Variants in CIITA observed in about 807,000 individuals in gnomAD.
CIITA encodes the protein class II major histocompatibility complex transactivator.
CIITA carries 72 observed loss-of-function variants against 115.1 expected under a neutral mutation model. The ratio of observed to expected loss-of-function variants is 0.63; its 90% CI spans 0.52 to 0.76. The LOEUF (loss-of-function observed/expected upper bound fraction) is 0.76, where lower values mean the gene tolerates loss of function less well. Ranked by LOEUF, CIITA falls within the 30% of genes least tolerant of loss-of-function variation. The pLI, the probability that CIITA is intolerant of heterozygous loss-of-function variation, is 0.00. For synonymous variants in CIITA, 763 were observed against 635.6 expected (o/e 1.20, Z -3.02); for missense variants, 1,617 against 1,463.8 (o/e 1.10, Z -1.71).
At position 10,941,838 on chromosome 16, in the gene CIITA, G is replaced by T. The variant is rs751650005; in HGVS notation, n.964G>T. Reference sequence around the variant, plus strand: ...GGTCCATGTCCTCGGGCAGGAAGACGAGGCCCACGTTGAGGACGATGTACT... The same window carrying T: ...GGTCCATGTCCTCGGGCAGGAAGACTAGGCCCACGTTGAGGACGATGTACT... On this transcript the variant is annotated non_coding_transcript_exon_variant, in exon 2 of 2. Transcript: ENST00000573379. The surrounding 1 kb of genome is among the most constrained non-coding windows in gnomAD (Gnocchi z 6.4). 9.9e-6 allele frequency: 16 copies of T among 1,613,178 alleles called. No homozygotes were observed. The highest frequency in any genetic ancestry group is 1.7e-5 in the Admixed American group (1 of 60,002).
intron 1 of CIITA, among the ~76,000 whole-genome samples, chr16:10,868,981 G>C (rs2035287951): frequency 6.6e-6 from 1 of 152,198 alleles, no homozygotes; most frequent in South Asian, 2.1e-4. Flanking sequence ...GCTGCTGCTG[G>C]GCAGCTCTCA....
At chr16:10,912,786 C>A (rs1424434959) in intron 13 of CIITA, among the ~76,000 whole-genome samples, 1 of 152,198 alleles carries the variant, frequency 6.6e-6, no homozygotes, top group Non-Finnish European at 1.5e-5. Context: ...TGGGGAACAG[C>A]GGCCATGGGG....
rs749969682 is a variant in CIITA at position 10,895,774 on chromosome 16, C to A, written c.295+10C>A. On this transcript the variant is annotated intron_variant, in intron 3 of 19. Transcript: ENST00000324288. ...GCTTATGCCAATATCGGTGAGGAAGCACCTGAGCCCAGAAAAGGACAATCA... is the reference window on the plus strand; with the variant it reads ...GCTTATGCCAATATCGGTGAGGAAGAACCTGAGCCCAGAAAAGGACAATCA... 4 of 1,613,410 alleles carry A rather than the reference C, an allele frequency of 2.5e-6. No homozygotes were observed. The Admixed American group carries it at 6.7e-5, about 27-fold the overall frequency.
chr16:10,888,597 G>A (rs924927691), intron 1 of CIITA: 1 of 152,210 alleles, frequency 6.6e-6, no homozygotes, highest in African/African-American at 2.4e-5. Context: ...GTGAAGTGGG[G>A]ATGAAAATAA....
intron 13 of CIITA, among the ~76,000 whole-genome samples, chr16:10,911,936 A>T (rs2144859483): frequency 6.6e-6 from 1 of 152,224 alleles, no homozygotes; most frequent in African/African-American, 2.4e-5. Context: ...TCATCTCCCC[A>T]TTGTACAAAT....
At chr16:10,908,340 T>C (rs1243312553) in intron 11 of CIITA, 191 bp downstream of exon 11, 1 of 727,720 alleles carries the variant, frequency 1.4e-6, no homozygotes, top group South Asian at 1.5e-5. Context: ...ACACAGCAAG[T>C]GAGAGGCAAT....
intron 13 of CIITA, among the ~76,000 whole-genome samples, chr16:10,912,169 C>A (rs190969353): frequency 1.3e-5 from 2 of 152,106 alleles, no homozygotes; most frequent in Non-Finnish European, 2.9e-5. Context: ...GGCTAGAATG[C>A]AGTGGTATGA....
Position 10,942,250 on chromosome 16 carries a change from C to G in CIITA, n.1376C>G, listed in dbSNP as rs1044585158. Reference sequence around the variant, plus strand: ...CCGCCCGGGCGGCGAGGCGGGCCCCCCTGAAGTGGCCCGCGGCTGCCCGGC... The same window carrying G: ...CCGCCCGGGCGGCGAGGCGGGCCCCGCTGAAGTGGCCCGCGGCTGCCCGGC... On this transcript the variant is annotated non_coding_transcript_exon_variant, in exon 2 of 2. Coordinates refer to the CIITA transcript ENST00000573379. The surrounding 1 kb of genome is among the most constrained non-coding windows in gnomAD (Gnocchi z 5.0). The G allele has an allele frequency of 5.5e-6, 2 of 363,450 alleles. No individual in the cohort carries two copies. The highest frequency in any genetic ancestry group is 9.9e-6 in the Non-Finnish European group (2 of 201,716). 22.5% of individuals were successfully genotyped at this position (363,450 alleles called of 1,614,324 possible).
In CIITA at chr16:10,926,763, G is replaced by C. The variant is rs1179994827; in HGVS notation, c.*2908G>C. On this transcript the variant is annotated 3_prime_UTR_variant, in exon 20 of 20. Transcript: ENST00000324288. ...ACCATGTTGGCCAGGCTGGTAATCTGCCTGCCTTGGCCTCCCAAAGTGCTG... is the reference window on the plus strand; with the variant it reads ...ACCATGTTGGCCAGGCTGGTAATCTCCCTGCCTTGGCCTCCCAAAGTGCTG... The C allele has an allele frequency of 1.3e-5, 2 of 152,122 alleles. No individual in the cohort carries two copies. The highest frequency in any genetic ancestry group is 2.9e-5 in the Non-Finnish European group (2 of 68,060). 9.4% of individuals were successfully genotyped at this position (152,122 alleles called of 1,614,324 possible). A position where few individuals can be genotyped will look rare whatever the true frequency, so the allele number is the denominator to read the frequency against.
chr16:10,916,338 T>C, intron 14 of CIITA, 29 bp from the exon 15 acceptor site: 1 of 1,608,138 alleles, frequency 6.2e-7, no homozygotes. Flanking sequence ...GGACGCTAGC[T>C]GATGGCCCCC....
chr16:10,906,756 G>C lies in CIITA; in HGVS notation c.1264G>C (p.Ala422Pro), dbSNP rs2144701903. 6.2e-7 allele frequency: 1 copy of C among 1,610,960 alleles called. No individual in the cohort carries two copies. Among genetic ancestry groups the C allele is most frequent in the Non-Finnish European group, 8.5e-7 (1 of 1,179,752 alleles). Residue 422 changes from alanine (A) to proline (P), a missense_variant, in exon 11 of 20, where the codon GCT (alanine) becomes CCT (proline). Ala to Pro is a conservative substitution (Grantham distance 27). Transcript: ENST00000324288. The stretch of plus-strand genomic sequence containing the variant: ...ACGAGTGATTGCTGTGCTGGGCAAA[G>C]CTGGTCAGGGCAAGAGCTATTGGGC... ...ETRVIAVLGK[A>P]GQGKSYWAGA... is the part of the protein sequence containing the mutation.
At chr16:10,867,089 C>CA (rs1390495739) in intron 1 of CIITA, among the ~76,000 whole-genome samples, 4 of 152,048 alleles carry the variant, frequency 2.6e-5, no homozygotes, top group Non-Finnish European at 1.5e-5. Flanking sequence ...CTAAAAAATA[C>CA]AAAAAACAGC....
At chr16:10,938,334 T>C (rs1385693333), downstream of CIITA, 2 of 151,624 alleles carry the variant, frequency 1.3e-5, no homozygotes, top group South Asian at 2.1e-4. This position sits in a 1 kb window ranked among gnomAD's most constrained non-coding sequence, Gnocchi z 4.9. Context: ...CAGCAAATGT[T>C]TGAGGAACTG....
intron 8 of CIITA, 129 bp from the exon 9 acceptor site, chr16:10,903,602 T>C: frequency 1.0e-6 from 1 of 977,502 alleles, no homozygotes; most frequent in Non-Finnish European, 1.6e-6. Flanking sequence ...ATATCTTCCT[T>C]TGGAAGTTCT....
chr16:10,890,971 T>C (rs2037509120), intron 1 of CIITA, among the ~76,000 whole-genome samples: 1 of 152,066 alleles, frequency 6.6e-6, no homozygotes, highest in Non-Finnish European at 1.5e-5. Context: ...TAGGTAGGGG[T>C]AGTCTCAAAG....
At chr16:10,898,860 C>T in intron 4 of CIITA, 65 bp from the exon 5 acceptor site, 1 of 1,592,190 alleles carries the variant, frequency 6.3e-7, no homozygotes, top group Non-Finnish European at 8.6e-7. Context: ...AAGGTGGGTA[C>T]AATAGAGACT....
chr16:10,895,327 G>T lies in CIITA; in HGVS notation c.98G>T (p.Gly33Val). The change falls in exon 2 of 20, where the codon GGC becomes GTC. Residue 33 changes from glycine (G) to valine (V), a missense_variant. Transcript: ENST00000324288. The stretch of plus-strand genomic sequence containing the variant: ...ATGGAGTTGGGGCCCCTAGAAGGTG[G>T]CTACCTGGAGCTTCTTAACAGCGAT... ...ATMELGPLEG[G>V]YLELLNSDAD... is the part of the protein sequence containing the mutation. 5 of 1,614,070 alleles carry T rather than the reference G, an allele frequency of 3.1e-6. No homozygotes were observed. Among genetic ancestry groups the T allele is most frequent in the Non-Finnish European group, 4.2e-6 (5 of 1,180,024 alleles).
intron 16 of CIITA, among the ~76,000 whole-genome samples, 188 bp from the exon 17 acceptor site, chr16:10,921,979 A>G (rs1159327208): frequency 6.6e-6 from 1 of 152,218 alleles, no homozygotes; most frequent in Non-Finnish European, 1.5e-5. Flanking sequence ...TATCTAGAAA[A>G]TGGGAACCAT....
upstream of CIITA, among the ~76,000 whole-genome samples, chr16:10,876,231 C>T (rs1260899665): frequency 6.6e-6 from 1 of 152,222 alleles, no homozygotes; most frequent in Admixed American, 6.5e-5. Context: ...CCCAGGCTAG[C>T]CTCCAACTCC....
Sources: gnomAD v4.1 joint callset for allele counts (sites outside exome capture counted in the v4.1 genomes callset) on GRCh38, gnomAD v4.1.1 for gene constraint, Gnocchi (gnomAD v3.1) non-coding constraint, MANE v1.5 for transcripts, NCBI Gene and HGNC (gene_info 2026-07-23, HGNC 2026-07-21) for gene names.